SHD: variants seen among roughly 807,000 people sequenced by gnomAD.
SHD encodes the protein Src homology 2 domain containing transforming protein D.
In SHD, 29 loss-of-function variants were observed where a neutral mutation model predicts 31.2. The ratio of observed to expected loss-of-function variants is 0.93; its 90% CI spans 0.69 to 1.27. SHD has a LOEUF of 1.27. Among genes scored for constraint, SHD ranks in the 50% most tolerant of loss-of-function variants. SHD has a pLI of 0.00. For missense variants in SHD, 520 were observed against 453.8 expected (o/e 1.15, Z -1.33); for synonymous variants, 208 against 187.8 (o/e 1.11, Z -0.88).
intron 1 of SHD, among the ~76,000 whole-genome samples, chr19:4,282,209 C>T (rs1279738547): frequency 6.6e-6 from 1 of 151,800 alleles, no homozygotes; most frequent in Non-Finnish European, 1.5e-5. Context: ...CATCTGAGGT[C>T]AGGAGTTGAA....
chr19:4,282,222 C>G (rs1383179244), intron 1 of SHD, among the ~76,000 whole-genome samples: 2 of 151,790 alleles, frequency 1.3e-5, no homozygotes, highest in Non-Finnish European at 2.9e-5. Flanking sequence ...GAGTTGAAGA[C>G]CAGCCTGGCC....
At chr19:4,289,671 C>T (rs1383032835) in intron 5 of SHD, among the ~76,000 whole-genome samples, 1 of 151,030 alleles carries the variant, frequency 6.6e-6, no homozygotes, top group African/African-American at 2.4e-5. Context: ...CCCGGGTTCA[C>T]GCCATTCTCC....
intron 5 of SHD, among the ~76,000 whole-genome samples, chr19:4,289,264 C>G (rs1169243572): frequency 6.6e-6 from 1 of 151,044 alleles, no homozygotes; most frequent in African/African-American, 2.4e-5. Context: ...GCGCCCACCA[C>G]CACGCCCGGC....
In SHD at chr19:4,282,993, G is replaced by A; in HGVS notation, c.403+18G>A. The A allele has an allele frequency of 6.2e-7, 1 of 1,614,038 alleles. No individual in the cohort carries two copies. Among genetic ancestry groups the A allele is most frequent in the Non-Finnish European group, 8.5e-7 (1 of 1,179,982 alleles). On this transcript the variant is annotated intron_variant, in intron 2 of 5. Coordinates refer to ENST00000543264, the MANE Select transcript of SHD (RefSeq NM_020209.4). The stretch of plus-strand genomic sequence containing the variant: ...CATGAGTGGTGAGTAGGCACGGCTT[G>A]GGGGAAGGTGACAGGGTCCCAGATG...
At position 4,283,198 on chromosome 19, in the gene SHD, A is replaced by G; in HGVS notation, c.548A>G (p.Gln183Arg). The change falls in exon 3 of 6, where the codon CAG (glutamine) becomes CGG (arginine). Residue 183 changes from glutamine to arginine, a missense_variant. Coordinates refer to ENST00000543264, the MANE Select transcript of SHD (RefSeq NM_020209.4). The stretch of plus-strand genomic sequence containing the variant: ...GAACGGCCAGCAGATGAGTATGATC[A>G]GCCCTGGGAGTGGAAGAAAGACCAC... ...EDERPADEYDQPWEWKKDHIS... is the reference protein window; with the variant it reads ...EDERPADEYDRPWEWKKDHIS... The G allele has an allele frequency of 6.2e-7, 1 of 1,614,124 alleles. No homozygotes were observed. The highest frequency in any genetic ancestry group is 8.5e-7 in the Non-Finnish European group (1 of 1,179,986).
In SHD at chr19:4,289,025, A is replaced by C. The variant is rs1318562644; in HGVS notation, c.836+663A>C. Reference sequence around the variant, plus strand: ...GTGGTGCATACCTGTAATTCCAGCTACCTCGGAGGCTGAGGCAGGAGAATT... The same window carrying C: ...GTGGTGCATACCTGTAATTCCAGCTCCCTCGGAGGCTGAGGCAGGAGAATT... On this transcript the variant is annotated intron_variant, in intron 5 of 5. Coordinates refer to ENST00000543264, the MANE Select transcript of SHD (RefSeq NM_020209.4). Among the ~76,000 whole-genome samples the C allele has an allele frequency of 7.3e-5, 11 of 151,058 alleles. No homozygotes were observed. The East Asian group carries it at 1.9e-3, about 27-fold the overall frequency.
chr19:4,288,613 C>T (rs1409814399), intron 5 of SHD, among the ~76,000 whole-genome samples: 1 of 152,070 alleles, frequency 6.6e-6, no homozygotes, highest in Non-Finnish European at 1.5e-5. Context: ...GAGGTCCAGG[C>T]CTTGGGTAAG....
At chr19:4,282,710 C>CTCAAAAATAAAAATAATTTTTATTTTT (rs1209294289) in intron 1 of SHD, among the ~76,000 whole-genome samples, 160 bp from the exon 2 acceptor site, 1 of 151,788 alleles carries the variant, frequency 6.6e-6, no homozygotes, top group Admixed American at 6.6e-5. Flanking sequence ...AGCGAGACTC[C>CTCAAAAATAAAAATAATTTTTATTTTT]ATCTCAAAAA....
In SHD at chr19:4,280,207, C is replaced by T. The variant is rs1444108887; in HGVS notation, c.144C>T (p.Asp48=). Residue 48 remains aspartate (D), a synonymous_variant, in exon 1 of 6, where the codon GAC becomes GAT. Coordinates refer to ENST00000543264, the MANE Select transcript of SHD (RefSeq NM_020209.4). ...TGGACTTCGAGGACCCCTATGAGGACGCGGAGAGCCGCTTGGAGCCGGACC... is the reference window on the plus strand; with the variant it reads ...TGGACTTCGAGGACCCCTATGAGGATGCGGAGAGCCGCTTGGAGCCGGACC... The part of the protein sequence containing the change: ...KNLDFEDPYE[D]AESRLEPDPA... The T allele has an allele frequency of 1.9e-6, 3 of 1,613,892 alleles. No homozygotes were observed. The highest frequency in any genetic ancestry group is 1.3e-5 in the African/African-American group (1 of 75,034).
chr19:4,286,688 A>C (rs1043316202), intron 4 of SHD, among the ~76,000 whole-genome samples: 1 of 151,484 alleles, frequency 6.6e-6, no homozygotes, highest in Non-Finnish European at 1.5e-5. Context: ...TCATGAGGTC[A>C]AGAGATCAAG....
At chr19:4,282,345 G>A (rs1267905193) in intron 1 of SHD, among the ~76,000 whole-genome samples, 3 of 150,486 alleles carry the variant, frequency 2.0e-5, no homozygotes, top group African/African-American at 4.9e-5. Context: ...GCTTGATCCC[G>A]GGAGTCGGAG....
Position 4,288,361 on chromosome 19 carries a change from A to C in SHD, c.835A>C (p.Arg279=), listed in dbSNP as rs1294788566. Residue 279 remains arginine (R), a splice_region_variant and synonymous_variant, in exon 5 of 6, where the codon AGG becomes CGG. Coordinates refer to ENST00000543264, the MANE Select transcript of SHD (RefSeq NM_020209.4). ...TNPQDCSLSL[R]SSQGFLHLKF... is the part of the protein sequence containing the mutation. ...CCCCCAGGACTGCTCCTTGTCTCTC[A>C]GGTGAGAACTCAGCCTCACAGGGAC... 13 of 1,612,150 alleles carry C rather than the reference A, an allele frequency of 8.1e-6. No homozygotes were observed. Among genetic ancestry groups the C allele is most frequent in the Non-Finnish European group, 1.0e-5 (12 of 1,179,086 alleles).
Position 4,279,547 on chromosome 19 carries a change from GCC to G in SHD, c.-515_-514del, listed in dbSNP as rs1971233517. ...TCCGCGGCCCAACTTTGCGCGCGGCGCCCGCGCCCCTGGGGAGCCCGCCCGCT... is the reference window on the plus strand; with the variant it reads ...TCCGCGGCCCAACTTTGCGCGCGGCGCGCGCCCCTGGGGAGCCCGCCCGCT... On this transcript the variant is annotated 5_prime_UTR_variant, in exon 1 of 6. It removes the in-frame stop codon of an upstream open reading frame in the 5' UTR. Transcript: ENST00000543264. This position sits in a 1 kb window ranked among gnomAD's most constrained non-coding sequence, Gnocchi z 7.5. 6.6e-6 allele frequency: 1 copy of G among 152,566 alleles called. No individual in the cohort carries two copies. Among genetic ancestry groups the G allele is most frequent in the South Asian group, 2.1e-4 (1 of 4,840 alleles). The allele number at this position is 152,566 out of a possible 1,614,324, so 9.5% of individuals were successfully genotyped here. A position where few individuals can be genotyped will look rare whatever the true frequency, so the allele number is the denominator to read the frequency against.
chr19:4,282,062 G>C (rs1971261613), intron 1 of SHD, among the ~76,000 whole-genome samples: 1 of 152,156 alleles, frequency 6.6e-6, no homozygotes, highest in Non-Finnish European at 1.5e-5. Context: ...AGGGAGACGT[G>C]GGAAGCCAGC....
chr19:4,285,889 C>CTTTTTTTTTTT (rs56142317), intron 4 of SHD, among the ~76,000 whole-genome samples: 1,515 of 87,358 alleles, frequency 0.017, 81 homozygotes, highest in Non-Finnish European at 0.021. Flanking sequence ...CTTTTCCTTT[C>CTTTTTTTTTTT]TTTTTTTTTT....
At chr19:4,289,407 G>A (rs1340158735) in intron 5 of SHD, among the ~76,000 whole-genome samples, 6 of 151,156 alleles carry the variant, frequency 4.0e-5, no homozygotes, top group Non-Finnish European at 7.4e-5. Flanking sequence ...CGCCATGCCC[G>A]GCTAATTTTT....
At chr19:4,287,065 G>A (rs1337756572) in intron 4 of SHD, among the ~76,000 whole-genome samples, 2 of 151,938 alleles carry the variant, frequency 1.3e-5, no homozygotes, top group African/African-American at 4.8e-5. Context: ...CGGGCGCAGT[G>A]GCTCATGCCT....
intron 4 of SHD, among the ~76,000 whole-genome samples, chr19:4,286,238 T>C (rs1324976129): frequency 1.6e-5 from 1 of 61,116 alleles, no homozygotes; most frequent in African/African-American, 4.5e-5. Flanking sequence ...TTCTTTTCTT[T>C]CTTTCTTTCT....
chr19:4,289,746 A>G (rs1971357307), intron 5 of SHD, among the ~76,000 whole-genome samples: 1 of 138,056 alleles, frequency 7.2e-6, no homozygotes, highest in African/African-American at 2.8e-5. Flanking sequence ...AATTTTTTGT[A>G]TTTTTTAGTA....
Sources: allele counts gnomAD v4.1 joint callset (sites outside exome capture counted in the v4.1 genomes callset), GRCh38; gene constraint gnomAD v4.1.1; non-coding constraint Gnocchi (gnomAD v3.1); transcripts MANE v1.5; gene names NCBI Gene and HGNC (gene_info 2026-07-23, HGNC 2026-07-21).